The following AFAP1 variants were observed in gnomAD, a reference collection of about 807,000 sequenced individuals.
AFAP1 encodes actin filament associated protein 1.
AFAP1 carries 75 observed loss-of-function variants against 93.9 expected under a neutral mutation model. The ratio of observed to expected loss-of-function variants is 0.80; its 90% CI spans 0.66 to 0.97. The LOEUF is 0.97. Ranked by LOEUF, AFAP1 falls within the 50% of genes least tolerant of loss-of-function variation. The pLI is 0.00. For missense variants in AFAP1, 1,201 were observed against 1,050.8 expected (o/e 1.14, Z -1.98); for synonymous variants, 517 against 430.7 (o/e 1.20, Z -2.48).
chr4:7,841,666 G>GAATGATAGGTCATTTTTGAAAGGAAAAAA (rs1713032403), intron 5 of AFAP1, among the ~76,000 whole-genome samples: 1 of 152,204 alleles, frequency 6.6e-6, no homozygotes, highest in Non-Finnish European at 1.5e-5. Context: ...TCTGGGCCCT[G>GAATGATAGGTCATTTTTGAAAGGAAAAAA]AATGATAGGT....
chr4:7,778,149 CT>C (rs1415176035), intron 14 of AFAP1: 1 of 153,760 alleles, frequency 6.5e-6, no homozygotes, highest in Non-Finnish European at 1.4e-5. Context: ...GCTGCTTACT[CT>C]CTTGGTGATT....
intron 17 of AFAP1, among the ~76,000 whole-genome samples, chr4:7,766,594 AC>A (rs1419867278): frequency 7.2e-5 from 9 of 125,556 alleles, no homozygotes; most frequent in Non-Finnish European, 3.5e-5. Context: ...TGACTGTGTC[AC>A]GGGAGGGAAA....
At chr4:7,822,835 C>G (rs368237685) in intron 6 of AFAP1, among the ~76,000 whole-genome samples, 2 of 151,222 alleles carry the variant, frequency 1.3e-5, no homozygotes, top group African/African-American at 4.9e-5. Context: ...CCTTGTGATC[C>G]GCCCGCATCG....
intron 4 of AFAP1, among the ~76,000 whole-genome samples, chr4:7,853,200 G>A (rs1714658807): frequency 6.6e-6 from 1 of 151,078 alleles, no homozygotes; most frequent in African/African-American, 2.4e-5. Context: ...AAATCTGGGA[G>A]TGATAGGGCA....
At chr4:7,870,735 C>T (rs956614430) in intron 2 of AFAP1, among the ~76,000 whole-genome samples, 3 of 152,104 alleles carry the variant, frequency 2.0e-5, no homozygotes, top group Non-Finnish European at 4.4e-5. Context: ...GTGGCAGGCC[C>T]CATCGCCCAC....
At chr4:7,826,518 C>T (rs78298754) in intron 6 of AFAP1, among the ~76,000 whole-genome samples, 14,409 of 152,326 alleles carry the variant, frequency 0.095, 1,276 homozygotes, top group East Asian at 0.49. Context: ...GACCACTTAG[C>T]AAGTGAAAAA....
At chr4:7,834,893 G>C (rs1415101355) in intron 6 of AFAP1, among the ~76,000 whole-genome samples, 1 of 151,774 alleles carries the variant, frequency 6.6e-6, no homozygotes, top group African/African-American at 2.4e-5. Context: ...TACCTGGGTG[G>C]CTCTTGAATG....
chr4:7,816,555 T>C (rs1165788125), intron 7 of AFAP1, among the ~76,000 whole-genome samples: 5 of 152,202 alleles, frequency 3.3e-5, no homozygotes, highest in Non-Finnish European at 5.9e-5. Context: ...ACACTCAGAA[T>C]GTACACAGAG....
chr4:7,869,847 G>GAC (rs35546648), intron 2 of AFAP1, among the ~76,000 whole-genome samples: 18 of 151,558 alleles, frequency 1.2e-4, no homozygotes, highest in East Asian at 3.9e-4. Context: ...AAGGATAAAT[G>GAC]ACACACACAC....
chr4:7,838,095 G>A (rs2149105368), intron 6 of AFAP1, among the ~76,000 whole-genome samples: 1 of 152,298 alleles, frequency 6.6e-6, no homozygotes, highest in East Asian at 1.9e-4. Context: ...ATATTTAAAT[G>A]TAGTCTCAGG....
chr4:7,806,924 T>C (rs1006908103), intron 9 of AFAP1, among the ~76,000 whole-genome samples: 4 of 152,136 alleles, frequency 2.6e-5, no homozygotes, highest in African/African-American at 9.7e-5. Flanking sequence ...CCAGCACAAA[T>C]GCAGCTATTT....
chr4:7,783,226 G>A (rs113600339), intron 12 of AFAP1, among the ~76,000 whole-genome samples: 5 of 151,936 alleles, frequency 3.3e-5, no homozygotes, highest in Admixed American at 1.3e-4. Flanking sequence ...TGCAGCCTCC[G>A]CCTCCCAGGC....
chr4:7,921,539 T>C (rs1303636321), intron 1 of AFAP1, among the ~76,000 whole-genome samples: 1 of 152,014 alleles, frequency 6.6e-6, no homozygotes, highest in Non-Finnish European at 1.5e-5. Context: ...GAGAAGAAAC[T>C]GTTGGCAAGG....
chr4:7,921,777 T>C (rs113064064), intron 1 of AFAP1, among the ~76,000 whole-genome samples: 3,333 of 152,254 alleles, frequency 0.022, 128 homozygotes, highest in African/African-American at 0.076. Flanking sequence ...TACTTAGCAA[T>C]GGGGAACTGG....
intron 1 of AFAP1, among the ~76,000 whole-genome samples, chr4:7,936,139 C>T (rs1008752418): frequency 6.6e-6 from 1 of 152,126 alleles, no homozygotes; most frequent in African/African-American, 2.4e-5. Context: ...AATTCAGTAG[C>T]TCACGACTTG....
intron 1 of AFAP1, among the ~76,000 whole-genome samples, chr4:7,902,135 A>G (rs181893378): frequency 6.6e-6 from 1 of 152,182 alleles, no homozygotes; most frequent in Non-Finnish European, 1.5e-5. Context: ...TCTGACTGCA[A>G]TAGGAGCAAT....
intron 4 of AFAP1, among the ~76,000 whole-genome samples, chr4:7,848,199 A>T: frequency 1.6e-5 from 1 of 61,580 alleles, no homozygotes; most frequent in Non-Finnish European, 3.1e-5. Flanking sequence ...GGAAGGAAGG[A>T]AGCAAGGGAG....
intron 9 of AFAP1, among the ~76,000 whole-genome samples, chr4:7,802,477 T>C (rs1163125214): frequency 6.6e-6 from 1 of 152,192 alleles, no homozygotes; most frequent in Non-Finnish European, 1.5e-5. Context: ...TAATGTGAAG[T>C]ATCTTGTCCA....
At chr4:7,933,704 C>G (rs1306302666) in intron 1 of AFAP1, among the ~76,000 whole-genome samples, 3 of 152,210 alleles carry the variant, frequency 2.0e-5, no homozygotes, top group African/African-American at 7.2e-5. Flanking sequence ...CATGCAAAGA[C>G]CAGATAGAGG....
Sources: allele counts gnomAD v4.1 joint callset (sites outside exome capture counted in the v4.1 genomes callset), GRCh38; gene constraint gnomAD v4.1.1; transcripts MANE v1.5; gene names NCBI Gene and HGNC (gene_info 2026-07-23, HGNC 2026-07-21).